Variants in CLASRP observed in about 807,000 individuals in gnomAD.
The protein encoded by CLASRP is CLK4-associating serine/arginine rich protein.
A neutral mutation model predicts 99.9 loss-of-function variants in CLASRP; 52 were observed. The observed-to-expected ratio is 0.52, with a 90% CI of 0.42 to 0.66. The LOEUF is 0.66. Ranked by LOEUF, CLASRP falls within the 30% of genes least tolerant of loss-of-function variation. CLASRP has a pLI of 0.00. For synonymous variants in CLASRP, 379 were observed against 373.0 expected (o/e 1.02, Z -0.18); for missense variants, 848 against 999.2 (o/e 0.85, Z 2.04).
At chr19:45,040,595 G>A in intron 2 of CLASRP, 1 of 270,920 alleles carries the variant, frequency 3.7e-6, no homozygotes, top group East Asian at 7.9e-5. Flanking sequence ...CGTTAGACTG[G>A]CCACCTCCAG....
rs1967111091 is a variant in CLASRP, at chr19:45,067,395, A to G, written c.1468A>G (p.Ser490Gly). ...GGGCGGCCGGGGCCTCAGGCACCACAGCAGTAGCCGCAGCCGCAGCAGCTG... is the reference window on the plus strand; with the variant it reads ...GGGCGGCCGGGGCCTCAGGCACCACGGCAGTAGCCGCAGCCGCAGCAGCTG... The part of the protein sequence containing the change: ...RRGGRGLRHH[S>G]SSRSRSSWSL... Residue 490 changes from serine to glycine, a missense_variant, in exon 14 of 21, where the codon AGC (serine) becomes GGC (glycine). Physicochemically the swap from Ser to Gly is moderately conservative, Grantham distance 56 (BLOSUM62 0). Coordinates refer to ENST00000221455, the MANE Select transcript of CLASRP (RefSeq NM_007056.3). This position sits in a 1 kb window ranked among gnomAD's most constrained non-coding sequence, Gnocchi z 4.9. 6.5e-7 allele frequency: 1 copy of G among 1,534,658 alleles called. No individual in the cohort carries two copies. Among genetic ancestry groups the G allele is most frequent in the Non-Finnish European group, 8.7e-7 (1 of 1,145,044 alleles).
At chr19:45,052,019 T>G (rs1600100106) in intron 2 of CLASRP, 52 bp from the exon 3 acceptor site, 37 of 1,390,654 alleles carry the variant, frequency 2.7e-5, no homozygotes, top group Middle Eastern at 1.9e-4. Flanking sequence ...TGTGAGGGGG[T>G]GGGGTTTGGA....
intron 5 of CLASRP, among the ~76,000 whole-genome samples, chr19:45,055,322 C>T (rs1040295446): frequency 6.6e-6 from 1 of 152,192 alleles, no homozygotes; most frequent in Admixed American, 6.5e-5. Context: ...GTGCAAAGCC[C>T]TGTGTCAGCC....
chr19:45,041,661 C>G (rs1244808847), intron 2 of CLASRP, among the ~76,000 whole-genome samples: 1 of 152,214 alleles, frequency 6.6e-6, no homozygotes, highest in Non-Finnish European at 1.5e-5. Flanking sequence ...CTTTCTAAAG[C>G]ACAAAACTGA....
intron 5 of CLASRP, among the ~76,000 whole-genome samples, chr19:45,053,536 TG>T (rs2122559267): frequency 6.6e-6 from 1 of 152,310 alleles, no homozygotes; most frequent in African/African-American, 2.4e-5. Context: ...TGGAGTGCAG[TG>T]GTGTGATCTC....
rs944264658 is a variant in CLASRP, at chr19:45,055,397, G to C, written c.380-1053G>C. 1.1e-4 allele frequency among the ~76,000 whole-genome samples: 16 copies of C among 152,288 alleles called. No homozygotes were observed. In the East Asian group the frequency reaches 2.9e-3, roughly 28 times the overall value. The stretch of plus-strand genomic sequence containing the variant: ...TGTGGCTGGAGCAGGGAGAGCGAGG[G>C]CGCTTGTGCAAGACAGGGTCAGCAG... On this transcript the variant is annotated intron_variant, in intron 5 of 20. Coordinates refer to ENST00000221455, the MANE Select transcript of CLASRP (RefSeq NM_007056.3).
Position 45,059,278 on chromosome 19 carries a change from G to A in CLASRP, c.624G>A (p.Val208=), listed in dbSNP as rs1450808707. ...DEVIPDIDVE[V]DVDELNQEQV... ...TTTCTCTTGGTGCAGACGTGGAGGT[G>A]GACGTGGATGAATTGAACCAGGAGC... The change falls in exon 8 of 21, where the codon GTG becomes GTA. Residue 208 remains valine (V), a synonymous_variant. Coordinates refer to ENST00000221455, the MANE Select transcript of CLASRP (RefSeq NM_007056.3). 1.2e-6 allele frequency: 2 copies of A among 1,610,144 alleles called. No homozygotes were observed. Among genetic ancestry groups the A allele is most frequent in the African/African-American group, 2.7e-5 (2 of 74,870 alleles).
Position 45,064,606 on chromosome 19 carries a change from G to T in CLASRP, c.1385G>T (p.Gly462Val), listed in dbSNP as rs1487918620. Reference protein sequence around the residue: ...RYSRSPARRGGYGPRRRSRSR... With the variant: ...RYSRSPARRGVYGPRRRSRSR... ...TCCCGCTCGCCCGCCCGGCGTGGTGGTTACGGGCCCCGGCGCAGAAGCAGG... is the reference window on the plus strand; with the variant it reads ...TCCCGCTCGCCCGCCCGGCGTGGTGTTTACGGGCCCCGGCGCAGAAGCAGG... The change falls in exon 13 of 21, where the codon GGT (glycine) becomes GTT (valine). Residue 462 changes from glycine (G) to valine (V), a missense_variant. Gly to Val is a moderately radical substitution (Grantham distance 109). Coordinates refer to ENST00000221455, the MANE Select transcript of CLASRP (RefSeq NM_007056.3). The T allele has an allele frequency of 1.3e-6, 2 of 1,552,768 alleles. No individual in the cohort carries two copies. Among genetic ancestry groups the T allele is most frequent in the East Asian group, 2.4e-5 (1 of 42,164 alleles).
Position 45,060,683 on chromosome 19 carries a change from G to T in CLASRP, c.863+56G>T. On this transcript the variant is annotated intron_variant, in intron 10 of 20. Transcript: ENST00000221455. The surrounding 1 kb of genome is among the most constrained non-coding windows in gnomAD (Gnocchi z 4.6). Reference sequence around the variant, plus strand: ...TGGCATCTGGGGGAGGAGAGCAGGGGCTTAGGGCCTGAGAAAGCTCTTTGG... The same window carrying T: ...TGGCATCTGGGGGAGGAGAGCAGGGTCTTAGGGCCTGAGAAAGCTCTTTGG... 7.3e-7 allele frequency: 1 copy of T among 1,369,642 alleles called. No individual in the cohort carries two copies. Among genetic ancestry groups the T allele is most frequent in the Non-Finnish European group, 9.9e-7 (1 of 1,010,826 alleles). 84.8% of individuals were successfully genotyped at this position (1,369,642 alleles called of 1,614,324 possible).
rs562896929 is a variant in CLASRP, at chr19:45,065,794, C to T, written c.1409+1164C>T. Among the ~76,000 whole-genome samples the T allele has an allele frequency of 2.6e-5, 4 of 152,214 alleles. No individual in the cohort carries two copies. The East Asian group carries it at 5.8e-4, about 22-fold the overall frequency. On this transcript the variant is annotated intron_variant, in intron 13 of 20. Coordinates refer to ENST00000221455, the MANE Select transcript of CLASRP (RefSeq NM_007056.3). ...CCCTGGGCCTCTAATTCTGTAAAAT[C>T]GCGGTAATAGCATCCGCTTCTCTGA... is the stretch of plus-strand genomic sequence containing the variant.
chr19:45,061,438 C>T (rs1966936611), intron 10 of CLASRP, among the ~76,000 whole-genome samples: 1 of 151,844 alleles, frequency 6.6e-6, no homozygotes, highest in Non-Finnish European at 1.5e-5. Context: ...CCTCTCTGGG[C>T]CTCAGTTTCC....
chr19:45,064,333 C>T lies in CLASRP; in HGVS notation c.1122-10C>T, dbSNP rs1715455410. 2 of 1,522,278 alleles carry T rather than the reference C, an allele frequency of 1.3e-6. No homozygotes were observed. Among genetic ancestry groups the T allele is most frequent in the Non-Finnish European group, 8.8e-7 (1 of 1,139,044 alleles). 94.3% of individuals were successfully genotyped at this position (1,522,278 alleles called of 1,614,324 possible). ...CCTGCGCTGACCGGCCCTCCGTGCCCCGCCTGCAGCCGCCGCTCCTCCTCC... is the reference window on the plus strand; with the variant it reads ...CCTGCGCTGACCGGCCCTCCGTGCCTCGCCTGCAGCCGCCGCTCCTCCTCC... On this transcript the variant is annotated splice_polypyrimidine_tract_variant and intron_variant, in intron 12 of 20. Coordinates refer to ENST00000221455, the MANE Select transcript of CLASRP (RefSeq NM_007056.3).
intron 11 of CLASRP, among the ~76,000 whole-genome samples, chr19:45,062,494 C>T (rs969932212): frequency 1.3e-5 from 2 of 152,234 alleles, no homozygotes; most frequent in African/African-American, 4.8e-5. Context: ...TCTCCTGCCT[C>T]AGCCTCCTGA....
chr19:45,052,989 T>C, intron 4 of CLASRP, 97 bp downstream of exon 4: 1 of 1,522,316 alleles, frequency 6.6e-7, no homozygotes, highest in Non-Finnish European at 9.1e-7. Context: ...GAGCCGTTCC[T>C]ATTTGGTACC....
chr19:45,064,289 AG>A, intron 12 of CLASRP, 53 bp from the exon 13 acceptor site: 3 of 1,512,678 alleles, frequency 2.0e-6, no homozygotes, highest in East Asian at 2.4e-5. Flanking sequence ...CCCGGGGCAG[AG>A]GGGGGCCGCG....
At chr19:45,045,637 C>T (rs983894033) in intron 2 of CLASRP, among the ~76,000 whole-genome samples, 1 of 151,990 alleles carries the variant, frequency 6.6e-6, no homozygotes. Context: ...TTTGGGTCGC[C>T]CTGACCAGAT....
intron 2 of CLASRP, among the ~76,000 whole-genome samples, chr19:45,051,470 C>T (rs528618767): frequency 1.3e-5 from 2 of 151,972 alleles, no homozygotes; most frequent in Non-Finnish European, 2.9e-5. Context: ...TGTGTCACCA[C>T]GCCCAGCTAA....
intron 5 of CLASRP, among the ~76,000 whole-genome samples, chr19:45,056,178 C>T (rs1026092308): frequency 2.0e-5 from 3 of 152,184 alleles, no homozygotes; most frequent in East Asian, 1.9e-4. Flanking sequence ...AAGTACCAGG[C>T]CAGGCACTCA....
At chr19:45,058,862 TCAACCCCACCACACGC>T (rs1351976681) in intron 7 of CLASRP, among the ~76,000 whole-genome samples, 1 of 151,468 alleles carries the variant, frequency 6.6e-6, no homozygotes, top group African/African-American at 2.4e-5. Context: ...CCCTCTCACG[TCAACCCCACCACACGC>T]CTCACTCATC....
Sources: gnomAD v4.1 joint callset for allele counts (sites outside exome capture counted in the v4.1 genomes callset) on GRCh38, gnomAD v4.1.1 for gene constraint, Gnocchi (gnomAD v3.1) non-coding constraint, MANE v1.5 for transcripts, NCBI Gene and HGNC (gene_info 2026-07-23, HGNC 2026-07-21) for gene names.